The following KIF18A variants were observed in gnomAD, a reference collection of about 807,000 sequenced individuals.
The protein encoded by KIF18A is kinesin family member 18A.
Under a neutral mutation model 103.3 loss-of-function variants are expected in KIF18A, and 67 were observed. The ratio of observed to expected loss-of-function variants is 0.65; its 90% CI spans 0.53 to 0.79. The LOEUF (loss-of-function observed/expected upper bound fraction) is 0.79, where lower values mean the gene tolerates loss of function less well. KIF18A is among the 30% of genes least tolerant of loss of function. The pLI is 0.00. For missense variants in KIF18A, 1,032 were observed against 1,062.5 expected (o/e 0.97, Z 0.40); for synonymous variants, 367 against 355.5 (o/e 1.03, Z -0.36).
At chr11:28,058,852 TTCTATAGATTGA>T in intron 13 of KIF18A, 62 bp downstream of exon 13, 1 of 1,103,030 alleles carries the variant, frequency 9.1e-7, no homozygotes, top group South Asian at 1.4e-5. Flanking sequence ...AAATTAACTG[TTCTATAGATTGA>T]TATACAAAGG....
chr11:28,030,261 C>T (rs1381277812), intron 15 of KIF18A, among the ~76,000 whole-genome samples: 7 of 151,460 alleles, frequency 4.6e-5, no homozygotes, highest in South Asian at 4.2e-4. Context: ...GGAGGCATCA[C>T]GCTACCTGAC....
intron 15 of KIF18A, among the ~76,000 whole-genome samples, chr11:28,024,785 A>T (rs1348037104): frequency 1.3e-5 from 2 of 151,956 alleles, no homozygotes; most frequent in Non-Finnish European, 2.9e-5. Flanking sequence ...GTGGAAAAAG[A>T]ACATCCTTCC....
At chr11:28,090,568 CATTT>C in intron 5 of KIF18A, 45 bp downstream of exon 5, 2 of 1,027,714 alleles carry the variant, frequency 1.9e-6, no homozygotes, top group Non-Finnish European at 3.0e-6. Flanking sequence ...AATTTAGCTT[CATTT>C]ATTTTAAATC....
At chr11:28,096,114 T>C (rs1851367301) in intron 2 of KIF18A, among the ~76,000 whole-genome samples, 1 of 134,672 alleles carries the variant, frequency 7.4e-6, no homozygotes, top group South Asian at 2.4e-4. Context: ...CTCATATCAT[T>C]GCAGTGAGCT....
At chr11:28,080,123 C>T (rs1201452442) in intron 9 of KIF18A, among the ~76,000 whole-genome samples, 1 of 151,956 alleles carries the variant, frequency 6.6e-6, no homozygotes, top group Admixed American at 6.6e-5. Flanking sequence ...CAGAAAAGAA[C>T]AATATGAGCG....
chr11:28,082,996 T>C (rs760625524), intron 8 of KIF18A, 28 bp from the exon 9 acceptor site: 2 of 1,495,580 alleles, frequency 1.3e-6, no homozygotes, highest in Non-Finnish European at 9.1e-7. Context: ...CTAGTTAAAA[T>C]ACAAAAGAAG....
At chr11:28,060,099 G>T (rs570972312) in intron 12 of KIF18A, among the ~76,000 whole-genome samples, 2 of 152,138 alleles carry the variant, frequency 1.3e-5, no homozygotes, top group Non-Finnish European at 2.9e-5. Flanking sequence ...CAGCAGCACC[G>T]AATGTAATTT....
chr11:28,081,827 T>A (rs1229141882), intron 9 of KIF18A, among the ~76,000 whole-genome samples: 1 of 152,148 alleles, frequency 6.6e-6, no homozygotes, highest in African/African-American at 2.4e-5. Context: ...TTGAAAAGCA[T>A]CTGAAAAGAA....
chr11:28,095,463 A>C (rs972025550), intron 2 of KIF18A, among the ~76,000 whole-genome samples: 4 of 152,170 alleles, frequency 2.6e-5, no homozygotes, highest in Admixed American at 2.6e-4. Context: ...CCCTTAGTAT[A>C]TGCTGCATAT....
intron 15 of KIF18A, among the ~76,000 whole-genome samples, chr11:28,026,770 C>T (rs1850327374): frequency 1.3e-5 from 2 of 151,792 alleles, no homozygotes; most frequent in Non-Finnish European, 3.0e-5. Flanking sequence ...GACAAGAAAA[C>T]TCACTAAAAT....
chr11:28,028,744 G>T (rs936728825), intron 15 of KIF18A, among the ~76,000 whole-genome samples: 6 of 152,030 alleles, frequency 3.9e-5, no homozygotes, highest in Non-Finnish European at 1.5e-5. Context: ...CCAGGAGCTG[G>T]TTTTTTGAAA....
At chr11:28,054,558 T>C (rs1850754205) in intron 13 of KIF18A, among the ~76,000 whole-genome samples, 1 of 152,174 alleles carries the variant, frequency 6.6e-6, no homozygotes, top group African/African-American at 2.4e-5. Context: ...AAAAAGAATA[T>C]AGTTAATCTA....
At chr11:28,107,330 A>G (rs1371160313) in intron 1 of KIF18A, among the ~76,000 whole-genome samples, 1 of 152,076 alleles carries the variant, frequency 6.6e-6, no homozygotes, top group Non-Finnish European at 1.5e-5. Flanking sequence ...TATAATAAAC[A>G]GCAGTCAGTC....
At chr11:28,025,876 T>TA (rs1850312216) in intron 15 of KIF18A, among the ~76,000 whole-genome samples, 1 of 152,008 alleles carries the variant, frequency 6.6e-6, no homozygotes, top group Non-Finnish European at 1.5e-5. Flanking sequence ...CTCAACATAA[T>TA]ACCTCTTCTA....
intron 15 of KIF18A, among the ~76,000 whole-genome samples, chr11:28,034,489 T>A (rs1038850550): frequency 6.6e-6 from 1 of 151,630 alleles, no homozygotes; most frequent in Non-Finnish European, 1.5e-5. Context: ...TTTAACAGGG[T>A]CTTTTCTTCA....
intron 13 of KIF18A, among the ~76,000 whole-genome samples, chr11:28,056,324 A>G (rs945103102): frequency 6.6e-6 from 1 of 152,126 alleles, no homozygotes; most frequent in Non-Finnish European, 1.5e-5. Flanking sequence ...AAATATAGCG[A>G]CTGAAATTAA....
chr11:28,060,050 A>G (rs181708060), intron 12 of KIF18A, among the ~76,000 whole-genome samples: 114 of 152,294 alleles, frequency 7.5e-4, no homozygotes, highest in African/African-American at 2.5e-3. Flanking sequence ...CACTGGATTC[A>G]CGGCTTTAAC....
intron 13 of KIF18A, among the ~76,000 whole-genome samples, chr11:28,047,996 G>A (rs1850660973): frequency 6.6e-6 from 1 of 152,136 alleles, no homozygotes; most frequent in Admixed American, 6.6e-5. Flanking sequence ...GTATACATGT[G>A]TATATAGGTT....
At chr11:28,054,829 G>T (rs1025292202) in intron 13 of KIF18A, among the ~76,000 whole-genome samples, 5 of 152,126 alleles carry the variant, frequency 3.3e-5, no homozygotes, top group African/African-American at 9.7e-5. Flanking sequence ...ATGTAACATG[G>T]CTTCAAGTCT....
Sources: gnomAD v4.1 joint callset for allele counts (sites outside exome capture counted in the v4.1 genomes callset) on GRCh38, gnomAD v4.1.1 for gene constraint, MANE v1.5 for transcripts, NCBI Gene and HGNC (gene_info 2026-07-23, HGNC 2026-07-21) for gene names.